The following PDXDC1 variants were observed in gnomAD, a reference collection of about 807,000 sequenced individuals.
PDXDC1 encodes the protein pyridoxal-dependent decarboxylase domain-containing protein 1.
PDXDC1 carries 42 observed loss-of-function variants against 100.1 expected under a neutral mutation model. The observed-to-expected ratio is 0.42, with a 90% CI of 0.33 to 0.54. The LOEUF (loss-of-function observed/expected upper bound fraction) is 0.54, where lower values mean the gene tolerates loss of function less well. PDXDC1 is among the 20% of genes least tolerant of loss of function. The pLI is 0.10. For synonymous variants in PDXDC1, 260 were observed against 371.7 expected (o/e 0.70, Z 3.46); for missense variants, 636 against 979.2 (o/e 0.65, Z 4.68).
At chr16:15,070,669 G>A (rs1044299381) in intron 16 of PDXDC1, among the ~76,000 whole-genome samples, 1 of 152,116 alleles carries the variant, frequency 6.6e-6, no homozygotes, top group Non-Finnish European at 1.5e-5. Context: ...TAATTTTGTG[G>A]TTGGGGAAGG....
At chr16:15,147,549 C>CA in the PDXDC1 span, among the ~76,000 whole-genome samples, 1 of 152,174 alleles carries the variant, frequency 6.6e-6, no homozygotes, top group Admixed American at 6.5e-5. Flanking sequence ...CTTTTTGAGA[C>CA]AGAGTTTCAC....
At chr16:15,031,560 C>A (rs959931624) in intron 16 of PDXDC1, among the ~76,000 whole-genome samples, 175 bp from the exon 17 acceptor site, 1 of 152,180 alleles carries the variant, frequency 6.6e-6, no homozygotes, top group East Asian at 1.9e-4. Flanking sequence ...GTGTCTGTTT[C>A]TAACCCTAAT....
intron 19 of PDXDC1, 147 bp downstream of exon 19, chr16:15,033,546 A>G (rs2043197240): frequency 4.3e-6 from 4 of 920,500 alleles, no homozygotes; most frequent in East Asian, 2.6e-5. Context: ...GCCTTGTGCC[A>G]GGTGTCAGAG....
At chr16:14,979,590 A>G (rs1481466905) in intron 1 of PDXDC1, among the ~76,000 whole-genome samples, 1 of 152,280 alleles carries the variant, frequency 6.6e-6, no homozygotes, top group Admixed American at 6.5e-5. Flanking sequence ...GTGCCCAGCC[A>G]ATTACTTGTT....
chr16:15,027,799 AG>A (rs1194983656), intron 14 of PDXDC1, among the ~76,000 whole-genome samples: 7 of 152,396 alleles, frequency 4.6e-5, no homozygotes, highest in Non-Finnish European at 7.3e-5. Context: ...TCTGCCCACT[AG>A]GGTCTCAGGT....
intron 14 of PDXDC1, 124 bp downstream of exon 14, chr16:15,026,830 A>G: frequency 9.2e-7 from 1 of 1,084,700 alleles, no homozygotes; most frequent in Non-Finnish European, 1.4e-6. Context: ...GCATTTCAGA[A>G]AAATGTAATA....
At chr16:15,033,454 G>C (rs2043191591) in intron 19 of PDXDC1, 55 bp downstream of exon 19, 1 of 1,587,128 alleles carries the variant, frequency 6.3e-7, no homozygotes, top group East Asian at 2.3e-5. Context: ...CCACCAAACA[G>C]CAGGGGCCAC....
At chr16:15,081,851 T>C (rs749053939) in intron 16 of PDXDC1, among the ~76,000 whole-genome samples, 2 of 152,246 alleles carry the variant, frequency 1.3e-5, no homozygotes, top group South Asian at 2.1e-4. Flanking sequence ...TGGATATCCA[T>C]ATGCTTCATT....
At chr16:15,100,991 A>G (rs2046525111) in intron 16 of PDXDC1, among the ~76,000 whole-genome samples, 1 of 152,176 alleles carries the variant, frequency 6.6e-6, no homozygotes, top group South Asian at 2.1e-4. Flanking sequence ...TTAATTAATT[A>G]ATGGAAGAAA....
chr16:14,977,115 C>A (rs1371435983), intron 1 of PDXDC1, among the ~76,000 whole-genome samples: 2 of 152,272 alleles, frequency 1.3e-5, no homozygotes, highest in African/African-American at 4.8e-5. Context: ...CAATGAGGAT[C>A]GCAAGAGGGA....
rs1966575691 is a variant in PDXDC1, at chr16:14,975,050, C to T, written c.-150C>T. ...CCTCTCAACCATCAGGTTCGGCAGC[C>T]CGCGGCGCCGCCTGGCAGCTCCTCC... On this transcript the variant is annotated 5_prime_UTR_variant, in exon 1 of 23. Coordinates refer to ENST00000396410, the MANE Select transcript of PDXDC1 (RefSeq NM_015027.4). 5.3e-6 allele frequency: 8 copies of T among 1,519,824 alleles called. No individual in the cohort carries two copies. Among genetic ancestry groups the T allele is most frequent in the South Asian group, 4.8e-5 (4 of 82,694 alleles). 94.1% of individuals were successfully genotyped at this position (1,519,824 alleles called of 1,614,324 possible).
chr16:14,988,078 G>T (rs189841299), intron 1 of PDXDC1, among the ~76,000 whole-genome samples: 4 of 150,222 alleles, frequency 2.7e-5, no homozygotes, highest in African/African-American at 9.8e-5. Flanking sequence ...CCCTCCCCAC[G>T]TGACACTCAT....
At chr16:15,135,217 C>T (rs943429824) in intron 16 of PDXDC1, 1 of 772,372 alleles carries the variant, frequency 1.3e-6, no homozygotes, top group African/African-American at 1.6e-5. Context: ...ACACGGAAAA[C>T]AGTAGATGAG....
chr16:15,066,804 C>A (rs2044998286), intron 16 of PDXDC1, among the ~76,000 whole-genome samples: 1 of 151,614 alleles, frequency 6.6e-6, no homozygotes, highest in African/African-American at 2.4e-5. Context: ...CAGAATGGTA[C>A]ACGCCTTTAT....
At chr16:15,083,683 G>A in intron 16 of PDXDC1, 1 of 1,511,966 alleles carries the variant, frequency 6.6e-7, no homozygotes, top group Non-Finnish European at 8.9e-7. Flanking sequence ...ATAGACATAG[G>A]AGGCAAACAG....
chr16:15,077,621 C>T (rs528414712), intron 16 of PDXDC1, among the ~76,000 whole-genome samples: 1 of 152,288 alleles, frequency 6.6e-6, no homozygotes, highest in African/African-American at 2.4e-5. Context: ...GTGGACGGAT[C>T]ATGAGGTCAG....
At chr16:15,141,758 G>C (rs1382767652), downstream of PDXDC1, among the ~76,000 whole-genome samples, 1 of 152,250 alleles carries the variant, frequency 6.6e-6, no homozygotes, top group Non-Finnish European at 1.5e-5. Flanking sequence ...CCGCCGTGGG[G>C]TGGGACAGGG....
intron 8 of PDXDC1, among the ~76,000 whole-genome samples, chr16:15,012,358 G>A (rs149491788): frequency 1.1e-3 from 172 of 152,328 alleles, no homozygotes; most frequent in Middle Eastern, 3.4e-3. Flanking sequence ...GCCTGCCTTG[G>A]CCTCCCAAAG....
At chr16:15,084,720 G>C (rs1455364861) in intron 16 of PDXDC1, 1 of 1,604,950 alleles carries the variant, frequency 6.2e-7, no homozygotes, top group Non-Finnish European at 8.5e-7. Flanking sequence ...AAGGAGAAAA[G>C]TTCAGAGTAT....
Sources: allele counts gnomAD v4.1 joint callset (sites outside exome capture counted in the v4.1 genomes callset), GRCh38; gene constraint gnomAD v4.1.1; transcripts MANE v1.5; gene names NCBI Gene and HGNC (gene_info 2026-07-23, HGNC 2026-07-21).